XXYLT1: variants seen among roughly 807,000 people sequenced by gnomAD.
XXYLT1 encodes UDP-xylose:alpha-xyloside alpha-1,3-xylosyltransferase.
In XXYLT1, 20 loss-of-function variants were observed where a neutral mutation model predicts 28.9. The observed-to-expected ratio is 0.69, with a 90% CI of 0.49 to 1.00. The LOEUF (loss-of-function observed/expected upper bound fraction) is 1.00. Among genes scored for constraint, XXYLT1 ranks in the 50% least tolerant of loss-of-function variants. XXYLT1 has a pLI of 0.00. For synonymous variants in XXYLT1, 257 were observed against 253.8 expected (o/e 1.01, Z -0.12); for missense variants, 542 against 560.1 (o/e 0.97, Z 0.33).
intron 3 of XXYLT1, among the ~76,000 whole-genome samples, chr3:195,071,723 A>G (rs1714825376): frequency 6.6e-6 from 1 of 152,040 alleles, no homozygotes; most frequent in African/African-American, 2.4e-5. Flanking sequence ...ATTTTACCCT[A>G]TTTCTTCCCA....
intron 2 of XXYLT1, chr3:195,175,537 T>G: frequency 1.3e-6 from 2 of 1,523,324 alleles, no homozygotes; most frequent in South Asian, 2.4e-5. Context: ...GCTGTTCAGA[T>G]GGAGATTCCT....
chr3:195,260,221 G>T (rs7612165), intron 1 of XXYLT1: 1 of 150,466 alleles, frequency 6.6e-6, no homozygotes, highest in Non-Finnish European at 1.5e-5. Flanking sequence ...CCAGGCGGCC[G>T]CGCGGGGCAC....
rs887722507 is a variant in XXYLT1, at chr3:195,173,627, A to G, written c.653-17046T>C. Among the ~76,000 whole-genome samples, 4 of 152,100 alleles carry G rather than the reference A, an allele frequency of 2.6e-5. No individual in the cohort carries two copies. The highest frequency in any genetic ancestry group is 9.7e-5 in the African/African-American group (4 of 41,418). The stretch of plus-strand genomic sequence containing the variant: ...GCCAGTGAGCTTCCCACTTTTCCAA[A>G]TTCCCTTCCTCCACCCTCCCCACCA... On this transcript the variant is annotated intron_variant, in intron 2 of 3. Coordinates refer to ENST00000310380, the MANE Select transcript of XXYLT1 (RefSeq NM_152531.5). The surrounding 1 kb of genome is among the most constrained non-coding windows in gnomAD (Gnocchi z 4.3).
At chr3:195,139,277 G>A (rs371831393) in intron 3 of XXYLT1, among the ~76,000 whole-genome samples, 5 of 152,220 alleles carry the variant, frequency 3.3e-5, no homozygotes, top group African/African-American at 1.2e-4. Flanking sequence ...AGTGACCCAG[G>A]AGACTACGTC....
intron 3 of XXYLT1, among the ~76,000 whole-genome samples, chr3:195,134,956 G>A (rs914243947): frequency 1.5e-4 from 23 of 152,310 alleles, no homozygotes; most frequent in African/African-American, 4.1e-4. Context: ...GTAAATCTGA[G>A]TATCTGAAGG....
chr3:195,072,079 G>T (rs1714851362), intron 3 of XXYLT1, among the ~76,000 whole-genome samples: 1 of 152,146 alleles, frequency 6.6e-6, no homozygotes, highest in South Asian at 2.1e-4. Context: ...GCAGTCTCTT[G>T]TGTCCACAGG....
At chr3:195,089,611 G>C (rs868397015) in intron 3 of XXYLT1, among the ~76,000 whole-genome samples, 58 of 152,070 alleles carry the variant, frequency 3.8e-4, no homozygotes, top group South Asian at 2.7e-3. Context: ...GGAAGAAACT[G>C]CATCAACTAA....
At chr3:195,238,515 G>T (rs1257100961) in intron 1 of XXYLT1, among the ~76,000 whole-genome samples, 1 of 152,228 alleles carries the variant, frequency 6.6e-6, no homozygotes, top group Non-Finnish European at 1.5e-5. Flanking sequence ...CACATGACAG[G>T]CCACCCATAC....
At chr3:195,090,259 T>G (rs559667988) in intron 3 of XXYLT1, among the ~76,000 whole-genome samples, 1 of 151,668 alleles carries the variant, frequency 6.6e-6, no homozygotes, top group Non-Finnish European at 1.5e-5. Context: ...TACTCCAAAA[T>G]TGACCACATA....
At position 195,083,049 on chromosome 3, in the gene XXYLT1, C is replaced by A. The variant is rs375917415; in HGVS notation, c.786-12938G>T. Among the ~76,000 whole-genome samples, 16 of 152,324 alleles carry A rather than the reference C, an allele frequency of 1.1e-4. 1 individual carries two copies. The South Asian group carries it at 3.3e-3, about 32-fold the overall frequency. On this transcript the variant is annotated intron_variant, in intron 3 of 3. Transcript: ENST00000310380. ...TTCCACAAAGCCCCTGACTCTGTGA[C>A]AACGCTCAACCCTCCGGAGGATGAA...
intron 3 of XXYLT1, among the ~76,000 whole-genome samples, chr3:195,136,615 T>C (rs2108639365): frequency 6.6e-6 from 1 of 152,238 alleles, no homozygotes; most frequent in Middle Eastern, 3.4e-3. Flanking sequence ...ACTGAATTAG[T>C]ATGAGGAGCA....
At chr3:195,106,362 G>GTTGTGTTTTTGATGGAGAGATGCT (rs1232303574) in intron 3 of XXYLT1, among the ~76,000 whole-genome samples, 28 of 152,180 alleles carry the variant, frequency 1.8e-4, no homozygotes, top group African/African-American at 6.3e-4. Context: ...AGATGCTCTT[G>GTTGTGTTTTTGATGGAGAGATGCT]CTCCGCACTC....
intron 1 of XXYLT1, chr3:195,247,713 C>G (rs889197952): frequency 3.7e-5 from 25 of 683,396 alleles, no homozygotes; most frequent in African/African-American, 1.8e-4. Context: ...TCTCACACTG[C>G]TGTAAAGAAG....
rs963468529 is a variant in XXYLT1, at chr3:195,209,170, T to A, written c.652+17539A>T. 1.3e-5 allele frequency among the ~76,000 whole-genome samples: 2 copies of A among 152,154 alleles called. No individual in the cohort carries two copies. The highest frequency in any genetic ancestry group is 2.4e-5 in the African/African-American group (1 of 41,430). On this transcript the variant is annotated intron_variant, in intron 2 of 3. Coordinates refer to ENST00000310380, the MANE Select transcript of XXYLT1 (RefSeq NM_152531.5). This position sits in a 1 kb window ranked among gnomAD's most constrained non-coding sequence, Gnocchi z 5.0. ...GGTTAGGACAGGAACCGGCTCACCC[T>A]GTTAAGAAGCCAGTCCTCACTAGGG...
chr3:195,089,594 G>A (rs141436139), intron 3 of XXYLT1, among the ~76,000 whole-genome samples: 32,125 of 151,822 alleles, frequency 0.21, 4,786 homozygotes, highest in East Asian at 0.44. Flanking sequence ...AAAGACCATC[G>A]AGACTAGGAA....
At chr3:195,074,179 C>T (rs1714987761) in intron 3 of XXYLT1, among the ~76,000 whole-genome samples, 1 of 152,224 alleles carries the variant, frequency 6.6e-6, no homozygotes, top group African/African-American at 2.4e-5. Context: ...AATGCTGAGC[C>T]TGGGCTGTCT....
chr3:195,268,431 CAA>C (rs56751794), intron 1 of XXYLT1, among the ~76,000 whole-genome samples: 6 of 133,404 alleles, frequency 4.5e-5, no homozygotes, highest in African/African-American at 5.5e-5. Context: ...AACTCTGTCT[CAA>C]AAAAAAAAAA....
intron 3 of XXYLT1, among the ~76,000 whole-genome samples, chr3:195,148,368 T>C (rs1719985113): frequency 6.6e-6 from 1 of 152,146 alleles, no homozygotes; most frequent in Non-Finnish European, 1.5e-5. Context: ...GGAATCACTA[T>C]TTTAAAAGGT....
At chr3:195,143,131 T>C (rs4677813) in intron 3 of XXYLT1, among the ~76,000 whole-genome samples, 42,366 of 152,138 alleles carry the variant, frequency 0.28, 6,580 homozygotes, top group East Asian at 0.69. Flanking sequence ...AAACATTTGA[T>C]GGAATTTTCA....
Sources: gnomAD v4.1 joint callset for allele counts (sites outside exome capture counted in the v4.1 genomes callset) on GRCh38, gnomAD v4.1.1 for gene constraint, Gnocchi (gnomAD v3.1) non-coding constraint, MANE v1.5 for transcripts, NCBI Gene and HGNC (gene_info 2026-07-23, HGNC 2026-07-21) for gene names.